LTBP1: variants seen among roughly 807,000 people sequenced by gnomAD.
LTBP1 encodes the protein latent transforming growth factor beta binding protein 1.
LTBP1 carries 129 observed loss-of-function variants against 207.6 expected under a neutral mutation model. The observed-to-expected ratio is 0.62, with a 90% confidence interval of 0.54 to 0.72. The LOEUF is 0.72. Ranked by LOEUF, LTBP1 falls within the 30% of genes least tolerant of loss-of-function variation. The pLI, the probability that LTBP1 is intolerant of heterozygous loss-of-function variation, is 0.00. For synonymous variants in LTBP1, 963 were observed against 833.7 expected (o/e 1.16, Z -2.67); for missense variants, 2,281 against 2,217.2 (o/e 1.03, Z -0.58).
chr2:33,318,884 A>G (rs1345655976), intron 24 of LTBP1, among the ~76,000 whole-genome samples: 1 of 152,182 alleles, frequency 6.6e-6, no homozygotes, highest in African/African-American at 2.4e-5. Context: ...TTCACATGAA[A>G]AATACTCATC....
At chr2:33,365,597 C>A in intron 31 of LTBP1, 94 bp downstream of exon 31, 2 of 1,220,668 alleles carry the variant, frequency 1.6e-6, no homozygotes, top group Non-Finnish European at 2.3e-6. Context: ...TGTATCTTTG[C>A]CTTCACTCCT....
rs1246283523 is a variant in LTBP1, at chr2:33,342,841, T to C, written c.3734T>C (p.Ile1245Thr). 8.7e-6 allele frequency: 14 copies of C among 1,613,576 alleles called. No homozygotes were observed. The highest frequency in any genetic ancestry group is 9.3e-6 in the Non-Finnish European group (11 of 1,179,640). ...ATGTTCCATGTCTTTTTTGCAGATA[T>C]TGATGAATGTGTAAACAACACTGTT... ...ISADGRTCED[I>T]DECVNNTVCD... Residue 1245 changes from isoleucine (I) to threonine (T), a missense_variant, in exon 25 of 34, where the codon ATT becomes ACT. This residue lies in a region of LTBP1 where 1,671 missense variants were observed against 1,634.8 expected (regional missense o/e 1.02). Coordinates refer to ENST00000404816, the MANE Select transcript of LTBP1 (RefSeq NM_206943.4).
rs190490833 is a variant in LTBP1 at position 33,376,090 on chromosome 2, A to C, written c.4711+10587A>C. ...TTGAACACTTTGGTCTCCATCTCACAATCCTAATAAGCATTTCCTCATAAA... is the reference window on the plus strand; with the variant it reads ...TTGAACACTTTGGTCTCCATCTCACCATCCTAATAAGCATTTCCTCATAAA... On this transcript the variant is annotated intron_variant, in intron 31 of 33. Coordinates refer to ENST00000404816, the MANE Select transcript of LTBP1 (RefSeq NM_206943.4). 9.9e-3 allele frequency among the ~76,000 whole-genome samples: 1,503 copies of C among 152,332 alleles called. 19 individuals are homozygous for C. The highest frequency in any genetic ancestry group is 0.014 in the Non-Finnish European group (944 of 68,024).
intron 24 of LTBP1, among the ~76,000 whole-genome samples, chr2:33,319,242 A>G (rs1295939240): frequency 1.3e-5 from 2 of 152,156 alleles, no homozygotes; most frequent in Non-Finnish European, 2.9e-5. Context: ...TACTAAAAAT[A>G]CAAAAATTAG....
chr2:33,349,345 G>T (rs919350149), intron 26 of LTBP1, among the ~76,000 whole-genome samples: 2 of 152,010 alleles, frequency 1.3e-5, no homozygotes, highest in East Asian at 3.9e-4. Context: ...TAAGGCAGAG[G>T]CATGGGAATC....
At chr2:33,209,666 A>G (rs535769615) in intron 7 of LTBP1, among the ~76,000 whole-genome samples, 10 of 152,288 alleles carry the variant, frequency 6.6e-5, no homozygotes, top group African/African-American at 2.4e-4. Flanking sequence ...TTTTATTTCT[A>G]TATCTAACTT....
Position 33,139,272 on chromosome 2 carries a change from G to A in LTBP1, c.1201+4312G>A, listed in dbSNP as rs191878618. ...TTGCTTTACTGGCTTCATTAAAGGT[G>A]GTTTCAGCCAGGTTTTCTTATCCTA... On this transcript the variant is annotated intron_variant, in intron 5 of 33. Coordinates refer to ENST00000404816, the MANE Select transcript of LTBP1 (RefSeq NM_206943.4). 1.2e-3 allele frequency among the ~76,000 whole-genome samples: 187 copies of A among 152,246 alleles called. 1 individual carries two copies. Among genetic ancestry groups the A allele is most frequent in the Non-Finnish European group, 2.4e-3 (162 of 68,020 alleles).
intron 3 of LTBP1, among the ~76,000 whole-genome samples, chr2:33,048,946 G>A (rs2076585398): frequency 6.6e-6 from 1 of 152,218 alleles, no homozygotes; most frequent in Admixed American, 6.5e-5. Flanking sequence ...CCTTCTGCAT[G>A]ATATTTAGCT....
At chr2:33,301,047 T>G (rs74989978) in intron 21 of LTBP1, among the ~76,000 whole-genome samples, 3,427 of 152,258 alleles carry the variant, frequency 0.023, 135 homozygotes, top group African/African-American at 0.077. Flanking sequence ...ATGTCCCCCT[T>G]AGAGAGAAAG....
chr2:33,322,787 C>T (rs796954975), intron 24 of LTBP1, among the ~76,000 whole-genome samples: 8 of 152,268 alleles, frequency 5.3e-5, no homozygotes, highest in African/African-American at 1.2e-4. Context: ...CCTGTAGGTC[C>T]GTATTTAAAT....
rs150938486 is a variant in LTBP1, at chr2:32,965,589, T to C, written c.565+16644T>C. On this transcript the variant is annotated intron_variant, in intron 2 of 33. Coordinates refer to ENST00000404816, the MANE Select transcript of LTBP1 (RefSeq NM_206943.4). ...TGAGATCATACTGTAGGTAGTCTTT[T>C]CAGATTGGCTTCTTTCACTTAGTAA... Among the ~76,000 whole-genome samples the C allele has an allele frequency of 2.4e-3, 373 of 152,348 alleles. 1 individual carries two copies. The highest frequency in any genetic ancestry group is 0.017 in the South Asian group (84 of 4,826).
intron 2 of LTBP1, among the ~76,000 whole-genome samples, chr2:32,984,659 C>G (rs1357093067): frequency 1.3e-5 from 2 of 152,128 alleles, no homozygotes. Flanking sequence ...CGGTGGCTCA[C>G]GCCTGTAATC....
At chr2:33,238,092 G>C (rs1362848758) in intron 9 of LTBP1, among the ~76,000 whole-genome samples, 1 of 135,684 alleles carries the variant, frequency 7.4e-6, no homozygotes, top group African/African-American at 3.2e-5. Context: ...TTAATAGTCT[G>C]TCTGGGAAAA....
chr2:33,318,758 T>G (rs956252960), intron 24 of LTBP1, among the ~76,000 whole-genome samples: 12 of 152,202 alleles, frequency 7.9e-5, no homozygotes, highest in Non-Finnish European at 5.9e-5. Context: ...AAAGGAAACT[T>G]TTTCTTTCAC....
chr2:33,214,978 G>A (rs1454379), intron 7 of LTBP1, among the ~76,000 whole-genome samples: 76,662 of 151,680 alleles, frequency 0.51, 19,535 homozygotes, highest in Non-Finnish European at 0.52. Context: ...TCGTAGGGTC[G>A]TTTCTTATGG....
intron 18 of LTBP1, among the ~76,000 whole-genome samples, chr2:33,277,800 T>TCC (rs1310980020): frequency 1.4e-4 from 15 of 106,304 alleles, no homozygotes; most frequent in African/African-American, 6.3e-4. Flanking sequence ...TTTCTTTCTC[T>TCC]CTCTCTTTCT....
intron 4 of LTBP1, among the ~76,000 whole-genome samples, chr2:33,121,477 C>T (rs1225126700): frequency 6.6e-6 from 1 of 152,066 alleles, no homozygotes; most frequent in Non-Finnish European, 1.5e-5. Flanking sequence ...ATTGAGTGCT[C>T]TTCCCTAACG....
intron 5 of LTBP1, among the ~76,000 whole-genome samples, chr2:33,141,076 G>C (rs2082612934): frequency 6.6e-6 from 1 of 152,196 alleles, no homozygotes; most frequent in South Asian, 2.1e-4. Context: ...AGGTATGGGG[G>C]TTCAGGCAAT....
chr2:33,161,777 A>G (rs2084490845), intron 5 of LTBP1, among the ~76,000 whole-genome samples: 1 of 152,268 alleles, frequency 6.6e-6, no homozygotes, highest in African/African-American at 2.4e-5. Flanking sequence ...TGGGCATATT[A>G]AAGAACCTGC....
Sources: allele counts gnomAD v4.1 joint callset (sites outside exome capture counted in the v4.1 genomes callset), GRCh38; gene constraint gnomAD v4.1.1; regional missense constraint gnomAD v4.1.1; transcripts MANE v1.5; gene names NCBI Gene and HGNC (gene_info 2026-07-23, HGNC 2026-07-21).